Variants in ZC3HAV1 observed in about 807,000 individuals in gnomAD.
ZC3HAV1 encodes the protein zinc finger CCCH-type containing, antiviral 1.
In ZC3HAV1, 41 loss-of-function variants were observed where a neutral mutation model predicts 86.6. The ratio of observed to expected loss-of-function variants is 0.47; its 90% confidence interval spans 0.37 to 0.61. ZC3HAV1 has a LOEUF of 0.61. Ranked by LOEUF, ZC3HAV1 falls within the 20% of genes least tolerant of loss-of-function variation. ZC3HAV1 has a pLI of 0.00. For missense variants in ZC3HAV1, 964 were observed against 1,141.1 expected (o/e 0.84, Z 2.24); for synonymous variants, 421 against 432.1 (o/e 0.97, Z 0.32).
intron 1 of ZC3HAV1, among the ~76,000 whole-genome samples, chr7:139,091,978 G>A (rs942219625): frequency 6.6e-6 from 1 of 152,150 alleles, no homozygotes; most frequent in Non-Finnish European, 1.5e-5. Context: ...CCCCGCCCCC[G>A]AAGAAGGGGC....
intron 1 of ZC3HAV1, among the ~76,000 whole-genome samples, chr7:139,095,657 A>G (rs1311765164): frequency 6.6e-6 from 1 of 152,150 alleles, no homozygotes; most frequent in African/African-American, 2.4e-5. Flanking sequence ...ATCCGCACAT[A>G]CCCTACAGTT....
intron 9 of ZC3HAV1, 171 bp downstream of exon 9, chr7:139,060,865 C>A: frequency 6.5e-7 from 1 of 1,532,562 alleles, no homozygotes. Context: ...TTCAGTCACA[C>A]CATGCTGCTT....
intron 2 of ZC3HAV1, among the ~76,000 whole-genome samples, chr7:139,085,547 A>C (rs1417690473): frequency 6.6e-6 from 1 of 152,202 alleles, no homozygotes; most frequent in Non-Finnish European, 1.5e-5. Flanking sequence ...GGTGCTTTTA[A>C]ATGTTAGTTG....
chr7:139,103,507 G>A (rs926338739), intron 1 of ZC3HAV1, among the ~76,000 whole-genome samples: 16 of 152,272 alleles, frequency 1.1e-4, no homozygotes, highest in African/African-American at 3.9e-4. Context: ...GCCAGAAAAT[G>A]AGGAAACTGG....
intron 7 of ZC3HAV1, among the ~76,000 whole-genome samples, chr7:139,067,540 A>T (rs1326156805): frequency 6.6e-6 from 1 of 152,164 alleles, no homozygotes. Flanking sequence ...GGAATGACAG[A>T]CAATGGAGAC....
At chr7:139,091,138 G>A (rs374537679) in intron 1 of ZC3HAV1, among the ~76,000 whole-genome samples, 1 of 152,212 alleles carries the variant, frequency 6.6e-6, no homozygotes, top group African/African-American at 2.4e-5. Flanking sequence ...TCAGCAGCTG[G>A]GCTAAGACTC....
At chr7:139,094,512 A>AAAAC (rs1405616092) in intron 1 of ZC3HAV1, among the ~76,000 whole-genome samples, 1 of 151,978 alleles carries the variant, frequency 6.6e-6, no homozygotes, top group African/African-American at 2.4e-5. Context: ...AAAAAAAAAA[A>AAAAC]AACAGCAAAG....
At chr7:139,052,553 C>A (rs1294291527) in intron 12 of ZC3HAV1, among the ~76,000 whole-genome samples, 1 of 143,006 alleles carries the variant, frequency 7.0e-6, no homozygotes, top group Non-Finnish European at 1.5e-5. Flanking sequence ...TGCAGTGAAC[C>A]GAGATCGAGC....
chr7:139,078,965 C>T lies in ZC3HAV1; in HGVS notation c.1472-312G>A, dbSNP rs1584857634. On this transcript the variant is annotated intron_variant, in intron 4 of 12. Coordinates refer to ENST00000242351, the MANE Select transcript of ZC3HAV1 (RefSeq NM_020119.4). The stretch of plus-strand genomic sequence containing the variant: ...CCCTGTCTTCACTAGTCAATCTCCT[C>T]ACCAGACCACCCCATAACCAAAACC... 2.4e-6 allele frequency: 3 copies of T among 1,244,096 alleles called. No individual in the cohort carries two copies. In the East Asian group the frequency reaches 7.6e-5, roughly 32 times the overall value. The allele number at this position is 1,244,096 out of a possible 1,614,324, so 77.1% of individuals were successfully genotyped here.
chr7:139,085,928 T>C (rs1238010190), intron 2 of ZC3HAV1, among the ~76,000 whole-genome samples: 1 of 151,836 alleles, frequency 6.6e-6, no homozygotes, highest in African/African-American at 2.4e-5. Context: ...GCAGGAGAAT[T>C]GCTTGAACCC....
Position 139,043,923 on chromosome 7 carries a change from T to C in ZC3HAV1, c.*3671A>G, listed in dbSNP as rs555711141. 1.9e-4 allele frequency: 29 copies of C among 152,316 alleles called. No individual in the cohort carries two copies. The highest frequency in any genetic ancestry group is 6.0e-4 in the African/African-American group (25 of 41,570). 9.4% of individuals were successfully genotyped at this position (152,316 alleles called of 1,614,324 possible). ...GTAGGTCAGTGGAAAAAATCAGTGG[T>C]TCTCACTGTGGTCAGTGGGTTATTG... On this transcript the variant is annotated 3_prime_UTR_variant, in exon 13 of 13. Coordinates refer to ENST00000242351, the MANE Select transcript of ZC3HAV1 (RefSeq NM_020119.4).
intron 12 of ZC3HAV1, among the ~76,000 whole-genome samples, chr7:139,049,093 G>C (rs1240484989): frequency 3.4e-5 from 5 of 145,488 alleles, no homozygotes; most frequent in African/African-American, 1.3e-4. Context: ...TAGAAATCTT[G>C]CTATGTCAGT....
At chr7:139,071,159 C>T (rs146332054) in intron 7 of ZC3HAV1, among the ~76,000 whole-genome samples, 1 of 149,016 alleles carries the variant, frequency 6.7e-6, no homozygotes, top group African/African-American at 2.5e-5. Flanking sequence ...CGTAGTGGCA[C>T]AGTCTCGGGT....
At chr7:139,059,377 G>T (rs940985196) in intron 9 of ZC3HAV1, among the ~76,000 whole-genome samples, 1 of 152,212 alleles carries the variant, frequency 6.6e-6, no homozygotes, top group Non-Finnish European at 1.5e-5. Context: ...AGCACTTTGG[G>T]AGGCTGAGGC....
chr7:139,060,907 G>A, intron 9 of ZC3HAV1, 129 bp downstream of exon 9: 1 of 1,587,070 alleles, frequency 6.3e-7, no homozygotes, highest in Non-Finnish European at 8.5e-7. Flanking sequence ...TAATGCAAAT[G>A]GAAACTGCAG....
chr7:139,073,633 G>A (rs188763873), intron 7 of ZC3HAV1, among the ~76,000 whole-genome samples: 1 of 152,202 alleles, frequency 6.6e-6, no homozygotes, highest in Admixed American at 6.5e-5. Flanking sequence ...GGGGATTATA[G>A]GCGCCTGCCA....
rs1353587303 is a variant in ZC3HAV1, at chr7:139,046,925, G to A, written c.*669C>T. 6.6e-6 allele frequency: 1 copy of A among 152,236 alleles called. No individual in the cohort carries two copies. Among genetic ancestry groups the A allele is most frequent in the Non-Finnish European group, 1.5e-5 (1 of 68,074 alleles). The allele number at this position is 152,236 out of a possible 1,614,324, so 9.4% of individuals were successfully genotyped here. A position where few individuals can be genotyped will look rare whatever the true frequency, so the allele number is the denominator to read the frequency against. On this transcript the variant is annotated 3_prime_UTR_variant, in exon 13 of 13. Transcript: ENST00000242351. ...CAGTAAACTAAAAGGGTAGACAGGA[G>A]AGAAAGGTTGCTGCAATTACAGAAA... is the stretch of plus-strand genomic sequence containing the variant.
chr7:139,079,729 G>A lies in ZC3HAV1; in HGVS notation c.1212C>T (p.Gly404=). 3 of 1,614,192 alleles carry A rather than the reference G, an allele frequency of 1.9e-6. No individual in the cohort carries two copies. The highest frequency in any genetic ancestry group is 2.5e-6 in the Non-Finnish European group (3 of 1,180,034). The change falls in exon 4 of 13, where the codon GGC becomes GGT. Residue 404 remains glycine, a synonymous_variant. Coordinates refer to ENST00000242351, the MANE Select transcript of ZC3HAV1 (RefSeq NM_020119.4). ...PEAVTTRKGT[G]LLSSDYRIIN... is the part of the protein sequence containing the mutation. Reference sequence around the variant, plus strand: ...TGATCCTGTAGTCTGAGGAAAGCAAGCCTGTGCCCTTTCTGGTGGTCACAG... The same window carrying A: ...TGATCCTGTAGTCTGAGGAAAGCAAACCTGTGCCCTTTCTGGTGGTCACAG...
chr7:139,072,058 A>C (rs1816789538), intron 7 of ZC3HAV1, among the ~76,000 whole-genome samples: 1 of 152,216 alleles, frequency 6.6e-6, no homozygotes, highest in African/African-American at 2.4e-5. Flanking sequence ...TGTATAGCCC[A>C]CTGACTCGTA....
Sources: gnomAD v4.1 joint callset for allele counts (sites outside exome capture counted in the v4.1 genomes callset) on GRCh38, gnomAD v4.1.1 for gene constraint, MANE v1.5 for transcripts, NCBI Gene and HGNC (gene_info 2026-07-23, HGNC 2026-07-21) for gene names.